Variants in MED14 observed in about 807,000 individuals in gnomAD.
MED14 encodes the protein mediator of RNA polymerase II transcription subunit 14.
In MED14, 8 loss-of-function variants were observed where a neutral mutation model predicts 109.0. That is an observed-to-expected ratio of 0.07 (90% CI 0.04 to 0.13). The LOEUF is 0.13. MED14 is among the 10% of genes least tolerant of loss of function. The pLI is 1.00. For missense variants in MED14, 711 were observed against 1,142.4 expected, an observed-to-expected ratio of 0.62 and a Z score of 5.44; for synonymous variants, 399 against 408.7, an observed-to-expected ratio of 0.98 and a Z score of 0.29.
intron 29 of MED14, 140 bp from the exon 30 acceptor site, chrX:40,654,696 C>A: frequency 1.4e-6 from 1 of 713,133 alleles, no homozygotes; most frequent in South Asian, 2.9e-5. Context: ...AGAAAAGTGA[C>A]AAACAACTGA....
chrX:40,660,405 T>C (rs949080083), intron 26 of MED14, among the ~76,000 whole-genome samples: 1 of 112,093 alleles, frequency 8.9e-6, no homozygotes, highest in African/African-American at 3.2e-5. Context: ...AGGTTAGATC[T>C]GGATTAGGCT....
chrX:40,683,849 T>C (rs1291427872), intron 16 of MED14, among the ~76,000 whole-genome samples: 1 of 112,251 alleles, frequency 8.9e-6, no homozygotes, highest in African/African-American at 3.2e-5. Context: ...ATACATCACA[T>C]ATACAAGAGG....
intron 22 of MED14, among the ~76,000 whole-genome samples, chrX:40,672,762 T>C (rs888808184): frequency 1.8e-5 from 2 of 111,155 alleles, no homozygotes; most frequent in Non-Finnish European, 3.8e-5. Context: ...TTGTCTACTT[T>C]TTTTTTTTAT....
At chrX:40,688,600 G>A (rs1398960449) in intron 15 of MED14, 70 bp from the exon 16 acceptor site, 2 of 725,857 alleles carry the variant, frequency 2.8e-6, no homozygotes, top group Admixed American at 2.4e-5. Context: ...TAAGTACTAC[G>A]GTCTCTATTC....
intron 20 of MED14, 85 bp downstream of exon 20, chrX:40,680,673 C>T: frequency 3.6e-6 from 3 of 839,313 alleles, no homozygotes; most frequent in Non-Finnish European, 3.3e-6. Flanking sequence ...CCGCCTCGGC[C>T]TCCCAAAGGG....
At position 40,692,753 on chromosome X, in the gene MED14, AAAAACC is replaced by A. The variant is rs1204702149; in HGVS notation, c.1794_1799del (p.Leu598_Val599del). The A allele has an allele frequency of 1.1e-5, 13 of 1,208,027 alleles. No homozygotes were observed. Among genetic ancestry groups the A allele is most frequent in the Non-Finnish European group, 1.2e-5 (11 of 894,850 alleles). ...TGGTCTGTTTCCCGGTTTTTGTACG[AAAAACC>A]AAGTCCTGAATGTTTTCCTTGAACT... On this transcript the variant is annotated inframe_deletion, in exon 14 of 31. Coordinates refer to ENST00000324817, the MANE Select transcript of MED14 (RefSeq NM_004229.4).
chrX:40,702,134 T>C (rs1426426565), intron 11 of MED14, among the ~76,000 whole-genome samples: 1 of 111,937 alleles, frequency 8.9e-6, no homozygotes, highest in East Asian at 2.8e-4. Flanking sequence ...TGATCTTGAA[T>C]TTCTGGCCTC....
intron 13 of MED14, among the ~76,000 whole-genome samples, chrX:40,693,706 G>A (rs1257538354): frequency 9.0e-6 from 1 of 110,840 alleles, no homozygotes; most frequent in Non-Finnish European, 1.9e-5. Flanking sequence ...TTAAGGCAGA[G>A]AAAAATGACA....
intron 23 of MED14, among the ~76,000 whole-genome samples, chrX:40,671,331 C>T (rs1351397088): frequency 8.9e-6 from 1 of 111,934 alleles, no homozygotes; most frequent in Non-Finnish European, 1.9e-5. Context: ...TTTTACGGTG[C>T]ACTTCATAGG....
chrX:40,660,937 C>T (rs1929242470), intron 26 of MED14, among the ~76,000 whole-genome samples: 2 of 112,644 alleles, frequency 1.8e-5, no homozygotes, highest in South Asian at 7.2e-4. Flanking sequence ...TTTTTTGAGA[C>T]GGAGTCTCGC....
chrX:40,733,804 T>C (rs772484331), intron 1 of MED14, among the ~76,000 whole-genome samples: 1 of 112,023 alleles, frequency 8.9e-6, no homozygotes, highest in Admixed American at 9.4e-5. Context: ...GGAGTTGCTA[T>C]GTTGAAATGC....
In MED14 at chrX:40,692,803, T is replaced by C. The variant is rs753180137; in HGVS notation, c.1750A>G (p.Met584Val). 4.1e-6 allele frequency: 5 copies of C among 1,209,423 alleles called. No individual in the cohort carries two copies. In the South Asian group the frequency reaches 5.3e-5, roughly 13 times the overall value. Residue 584 changes from methionine to valine, a missense_variant, in exon 14 of 31, where the codon ATG becomes GTG. By Grantham distance (21) the Met-to-Val change is conservative. Transcript: ENST00000324817. ...NAADREDSPA[M>V]ALLLQQFKEN... ...TTGAACTGCTGCAGCAGCAATGCCA[T>C]TGCAGGGCTGTCTTCACGATCTGCA...
chrX:40,690,601 G>T (rs999020812), intron 15 of MED14, among the ~76,000 whole-genome samples: 3 of 111,351 alleles, frequency 2.7e-5, no homozygotes, highest in African/African-American at 9.8e-5. Flanking sequence ...TTTTAGTAGA[G>T]ACGGGGTTTC....
chrX:40,706,023 C>T (rs760330959), intron 10 of MED14, among the ~76,000 whole-genome samples: 1 of 111,497 alleles, frequency 9.0e-6, no homozygotes, highest in South Asian at 3.8e-4. Flanking sequence ...AAGTCTATGC[C>T]TTCCCCTAGC....
In MED14 at chrX:40,650,455, A is replaced by T. The variant is rs1235455942; in HGVS notation, c.*1351T>A. The T allele has an allele frequency of 1.3e-6, 1 of 754,464 alleles. No individual in the cohort carries two copies. The highest frequency in any genetic ancestry group is 1.6e-6 in the Non-Finnish European group (1 of 639,285). The allele number at this position is 754,464 out of a possible 1,213,427, so 62.2% of individuals were successfully genotyped here. On this transcript the variant is annotated 3_prime_UTR_variant, in exon 31 of 31. Transcript: ENST00000324817. Reference sequence around the variant, plus strand: ...AATTAGACAAAGCATCTACATTTTAATGGAGAACCAGTATTACAGTGACCA... The same window carrying T: ...AATTAGACAAAGCATCTACATTTTATTGGAGAACCAGTATTACAGTGACCA...
At chrX:40,653,244 T>G (rs1267424148) in intron 30 of MED14, among the ~76,000 whole-genome samples, 1 of 111,505 alleles carries the variant, frequency 9.0e-6, no homozygotes, top group Non-Finnish European at 1.9e-5. Context: ...TCTGATAGCT[T>G]TAAACTTTGA....
upstream of MED14, among the ~76,000 whole-genome samples, chrX:40,736,145 T>G (rs7066598): frequency 0.041 from 4,577 of 111,496 alleles, 131 homozygotes; most frequent in African/African-American, 0.092. Context: ...GCGCTTGTGA[T>G]TCTCAGGCCT....
intron 30 of MED14, among the ~76,000 whole-genome samples, chrX:40,652,600 A>G (rs928166525): frequency 2.7e-5 from 3 of 111,447 alleles, no homozygotes; most frequent in Admixed American, 9.6e-5. Flanking sequence ...TGATTTTCTT[A>G]AAAGCACTTC....
Position 40,728,021 on chromosome X carries a change from C to T in MED14, c.243-1170G>A, listed in dbSNP as rs891334934. On this transcript the variant is annotated intron_variant, in intron 2 of 30. Transcript: ENST00000324817. Reference sequence around the variant, plus strand: ...AATTATGACTCTTTGCCAGTGTCTACGAAGGATCATAAGACAAGACTGAGA... The same window carrying T: ...AATTATGACTCTTTGCCAGTGTCTATGAAGGATCATAAGACAAGACTGAGA... 3.6e-5 allele frequency among the ~76,000 whole-genome samples: 4 copies of T among 111,639 alleles called. No homozygotes were observed. The South Asian group carries it at 1.1e-3, about 31-fold the overall frequency.
Sources: gnomAD v4.1 joint callset for allele counts (sites outside exome capture counted in the v4.1 genomes callset) on GRCh38, gnomAD v4.1.1 for gene constraint, MANE v1.5 for transcripts, NCBI Gene and HGNC (gene_info 2026-07-23, HGNC 2026-07-21) for gene names.